CDH18: variants seen among roughly 807,000 people sequenced by gnomAD.
CDH18 encodes the protein cadherin 18.
In CDH18, 31 loss-of-function variants were observed where a neutral mutation model predicts 67.9. That is an observed-to-expected ratio of 0.46 (90% CI 0.34 to 0.62). The LOEUF (loss-of-function observed/expected upper bound fraction) is 0.62. Among genes scored for constraint, CDH18 ranks in the 20% least tolerant of loss-of-function variants. The pLI is 0.01. For synonymous variants in CDH18, 362 were observed against 347.2 expected (o/e 1.04, Z -0.48); for missense variants, 890 against 975.5 (o/e 0.91, Z 1.17).
At chr5:20,172,238 A>ACGTGTATATATGTATATATATATG (rs1250590779) in intron 2 of CDH18, among the ~76,000 whole-genome samples, 5 of 118,962 alleles carry the variant, frequency 4.2e-5, no homozygotes, top group African/African-American at 1.9e-4. Flanking sequence ...ATATATATAT[A>ACGTGTATATATGTATATATATATG]TGTATATATA....
At chr5:20,198,634 A>G (rs2126743274) in intron 2 of CDH18, among the ~76,000 whole-genome samples, 1 of 152,334 alleles carries the variant, frequency 6.6e-6, no homozygotes, top group African/African-American at 2.4e-5. Flanking sequence ...TGCTGCAGAA[A>G]TTTGCATAAA....
At chr5:20,292,215 A>T (rs1168221523) in intron 1 of CDH18, among the ~76,000 whole-genome samples, 1 of 152,214 alleles carries the variant, frequency 6.6e-6, no homozygotes, top group Non-Finnish European at 1.5e-5. Flanking sequence ...TAGCTGTAAG[A>T]CCGGGACATG....
chr5:20,501,555 TAATA>T (rs1169339648), intron 1 of CDH18, among the ~76,000 whole-genome samples: 1 of 40,272 alleles, frequency 2.5e-5, no homozygotes, highest in Non-Finnish European at 5.1e-5. Context: ...ATTATATATA[TAATA>T]TATATATATA....
chr5:19,557,660 C>A (rs920876464), intron 8 of CDH18, among the ~76,000 whole-genome samples: 1 of 151,836 alleles, frequency 6.6e-6, no homozygotes, highest in Non-Finnish European at 1.5e-5. Context: ...ACTACTAAAC[C>A]AAAGAAATGA....
At chr5:20,334,402 G>T (rs1216925254) in intron 1 of CDH18, among the ~76,000 whole-genome samples, 1 of 151,826 alleles carries the variant, frequency 6.6e-6, no homozygotes, top group African/African-American at 2.4e-5. Flanking sequence ...CTCCCAAAGT[G>T]CTGGGATTAC....
chr5:20,338,841 G>T (rs1740006311), intron 1 of CDH18, among the ~76,000 whole-genome samples: 1 of 152,096 alleles, frequency 6.6e-6, no homozygotes, highest in African/African-American at 2.4e-5. Context: ...GGGCCCCAAG[G>T]TGGAAGTCTA....
At chr5:19,719,939 A>AAGAAAGAG (rs891583037) in intron 5 of CDH18, among the ~76,000 whole-genome samples, 8 of 151,440 alleles carry the variant, frequency 5.3e-5, no homozygotes, top group African/African-American at 1.9e-4. Context: ...GAAAGAAAGA[A>AAGAAAGAG]AGAAAGAAAG....
intron 2 of CDH18, among the ~76,000 whole-genome samples, chr5:20,070,795 A>G (rs1743416396): frequency 6.6e-6 from 1 of 152,216 alleles, no homozygotes; most frequent in Non-Finnish European, 1.5e-5. Flanking sequence ...AAAATTTAAA[A>G]TTTAATATTG....
intron 2 of CDH18, among the ~76,000 whole-genome samples, chr5:20,064,174 C>T (rs1048800041): frequency 2.6e-5 from 4 of 152,096 alleles, no homozygotes; most frequent in African/African-American, 9.7e-5. Flanking sequence ...TCTCTAAAGT[C>T]TTAGCAAACA....
chr5:19,502,712 C>G, intron 11 of CDH18: 1 of 485,198 alleles, frequency 2.1e-6, no homozygotes. Context: ...CTCTCATAAA[C>G]AAGTTTGTCA....
At chr5:19,775,041 G>C (rs1246843048) in intron 3 of CDH18, among the ~76,000 whole-genome samples, 1 of 151,914 alleles carries the variant, frequency 6.6e-6, no homozygotes, top group East Asian at 1.9e-4. Context: ...AGCCCAAATT[G>C]ACCAAGACAG....
In CDH18 at chr5:19,663,465, A is replaced by G. The variant is rs147749813; in HGVS notation, c.644-50864T>C. ...TTTGAGTGTCTGTATACATACATCT[A>G]TATTTTTAGCTTGCTAGAGAAGACC... On this transcript the variant is annotated intron_variant, in intron 5 of 12. Coordinates refer to ENST00000382275, the MANE Select transcript of CDH18 (RefSeq NM_004934.5). 2.0e-5 allele frequency among the ~76,000 whole-genome samples: 3 copies of G among 152,086 alleles called. No homozygotes were observed. In the East Asian group the frequency reaches 5.8e-4, roughly 29 times the overall value.
At chr5:20,318,722 C>T (rs1737694943) in intron 1 of CDH18, among the ~76,000 whole-genome samples, 1 of 152,138 alleles carries the variant, frequency 6.6e-6, no homozygotes, top group African/African-American at 2.4e-5. Context: ...GTTTTATTTA[C>T]AGCCTGCAGA....
intron 2 of CDH18, among the ~76,000 whole-genome samples, chr5:19,858,264 C>G (rs1784512967): frequency 6.6e-6 from 1 of 152,026 alleles, no homozygotes. Context: ...GACCTGGAAT[C>G]AATAGAAAGA....
intron 1 of CDH18, among the ~76,000 whole-genome samples, chr5:20,481,207 C>CAA (rs541111689): frequency 0.035 from 4,462 of 128,730 alleles, 235 homozygotes; most frequent in African/African-American, 0.11. Context: ...CTTTTTAAGC[C>CAA]AAAAAAAAAA....
At chr5:19,520,832 G>A (rs1328588674) in intron 9 of CDH18, 54 bp from the exon 10 acceptor site, 33 of 1,581,180 alleles carry the variant, frequency 2.1e-5, no homozygotes, top group East Asian at 4.6e-5. Flanking sequence ...TTAGAGGCTC[G>A]GTTTAAAACA....
At chr5:20,130,523 A>T (rs1198909723) in intron 2 of CDH18, among the ~76,000 whole-genome samples, 1 of 151,836 alleles carries the variant, frequency 6.6e-6, no homozygotes, top group Admixed American at 6.6e-5. Context: ...AATTACCATC[A>T]TGGCAGCAAT....
intron 1 of CDH18, among the ~76,000 whole-genome samples, chr5:20,505,083 A>G (rs1319780691): frequency 1.5e-5 from 2 of 135,898 alleles, no homozygotes; most frequent in Admixed American, 7.7e-5. Context: ...GGGAACTTTA[A>G]GCAAAGTTAC....
intron 5 of CDH18, among the ~76,000 whole-genome samples, chr5:19,618,092 G>A (rs570427149): frequency 6.6e-6 from 1 of 152,140 alleles, no homozygotes; most frequent in South Asian, 2.1e-4. Context: ...AAATAAACAA[G>A]CCTGCACATT....
Sources: allele counts gnomAD v4.1 joint callset (sites outside exome capture counted in the v4.1 genomes callset), GRCh38; gene constraint gnomAD v4.1.1; transcripts MANE v1.5; gene names NCBI Gene and HGNC (gene_info 2026-07-23, HGNC 2026-07-21).